The following CYP24A1 variants were observed in gnomAD, a reference collection of about 807,000 sequenced individuals.
CYP24A1 encodes the protein 1,25-dihydroxyvitamin D(3) 24-hydroxylase, mitochondrial.
In CYP24A1, 68 loss-of-function variants were observed where a neutral mutation model predicts 62.4. The observed-to-expected ratio is 1.09, with a 90% CI of 0.90 to 1.33. CYP24A1 has a LOEUF of 1.33. CYP24A1 is among the 40% of genes most tolerant of loss of function. The pLI is 0.00. For synonymous variants in CYP24A1, 267 were observed against 253.0 expected (o/e 1.06, Z -0.52); for missense variants, 787 against 653.0 (o/e 1.21, Z -2.24).
At chr20:54,171,905 C>G in intron 2 of CYP24A1, 1 of 1,059,186 alleles carries the variant, frequency 9.4e-7, no homozygotes. Flanking sequence ...AAGATTGCAC[C>G]AAAAAGTTGA....
chr20:54,160,457 CA>C (rs1444722998), intron 7 of CYP24A1, among the ~76,000 whole-genome samples: 1 of 152,206 alleles, frequency 6.6e-6, no homozygotes, highest in Non-Finnish European at 1.5e-5. Context: ...TGCTAAGTGC[CA>C]TGTGCCACTC....
intron 6 of CYP24A1, 78 bp downstream of exon 6, chr20:54,164,374 C>T: frequency 6.2e-7 from 1 of 1,611,714 alleles, no homozygotes; most frequent in South Asian, 1.1e-5. Context: ...CAGGAGATCA[C>T]TCCAGACCTC....
In CYP24A1 at chr20:54,171,684, A is replaced by C; in HGVS notation, c.450-14T>G. On this transcript the variant is annotated splice_polypyrimidine_tract_variant and intron_variant, in intron 2 of 11. Coordinates refer to ENST00000216862, the MANE Select transcript of CYP24A1 (RefSeq NM_000782.5). ...TCTTCCCCTTCCCTGTGAGAGAAGCAGGAATACATTTAGAGCACACTGAAA... is the reference window on the plus strand; with the variant it reads ...TCTTCCCCTTCCCTGTGAGAGAAGCCGGAATACATTTAGAGCACACTGAAA... 6.2e-7 allele frequency: 1 copy of C among 1,614,044 alleles called. No homozygotes were observed. The highest frequency in any genetic ancestry group is 8.5e-7 in the Non-Finnish European group (1 of 1,179,920).
chr20:54,171,747 T>G (rs1406583840), intron 2 of CYP24A1, 77 bp from the exon 3 acceptor site: 1 of 1,612,254 alleles, frequency 6.2e-7, no homozygotes, highest in African/African-American at 1.3e-5. Context: ...CAGCTGCAAC[T>G]TCAGGAACCA....
At chr20:54,158,561 T>C (rs1025522922) in intron 8 of CYP24A1, among the ~76,000 whole-genome samples, 7 of 152,224 alleles carry the variant, frequency 4.6e-5, no homozygotes, top group African/African-American at 1.7e-4. Flanking sequence ...CCCAAAAGGA[T>C]GTAAAAAGAA....
intron 9 of CYP24A1, 30 bp downstream of exon 9, chr20:54,158,056 T>A: frequency 6.2e-7 from 1 of 1,612,074 alleles, no homozygotes; most frequent in Non-Finnish European, 8.5e-7. Context: ...CAAGGTTTTG[T>A]AAGGTATAGA....
chr20:54,172,931 C>T lies in CYP24A1; in HGVS notation c.427G>A (p.Glu143Lys). ...PWKAYRDYRK[E>K]GYGLLILEGE... ...CACAGGATCAGCAGCCCGTAGCCTT[C>T]TTTGCGGTAGTCGCGATAGGCCTTC... Residue 143 changes from glutamate to lysine, a missense_variant, in exon 2 of 12, where the codon GAA becomes AAA. Glu to Lys is a moderately conservative substitution (Grantham distance 56, BLOSUM62 1). Coordinates refer to ENST00000216862, the MANE Select transcript of CYP24A1 (RefSeq NM_000782.5). 6.2e-7 allele frequency: 1 copy of T among 1,613,736 alleles called. No homozygotes were observed. Among genetic ancestry groups the T allele is most frequent in the South Asian group, 1.1e-5 (1 of 91,088 alleles).
intron 2 of CYP24A1, 56 bp from the exon 3 acceptor site, chr20:54,171,726 C>T: frequency 6.2e-7 from 1 of 1,613,688 alleles, no homozygotes; most frequent in Non-Finnish European, 8.5e-7. Flanking sequence ...GAAGGAGATG[C>T]AGAAATACTC....
At chr20:54,168,223 G>A (rs1375015086) in intron 4 of CYP24A1, among the ~76,000 whole-genome samples, 2 of 152,190 alleles carry the variant, frequency 1.3e-5, no homozygotes, top group African/African-American at 4.8e-5. Flanking sequence ...GCCAGGCGCT[G>A]TCCCACCTGA....
At chr20:54,144,713 C>A in the CYP24A1 span, among the ~76,000 whole-genome samples, 1 of 150,108 alleles carries the variant, frequency 6.7e-6, no homozygotes, top group African/African-American at 2.4e-5. Flanking sequence ...AGAAGCCCTC[C>A]TTTTAATTTT....
intron 5 of CYP24A1, 59 bp from the exon 6 acceptor site, chr20:54,164,622 C>T (rs868276827): frequency 5.0e-6 from 8 of 1,612,992 alleles, no homozygotes; most frequent in South Asian, 1.1e-5. Context: ...AGACAATGTT[C>T]GTTCTGGAAG....
intron 6 of CYP24A1, 67 bp downstream of exon 6, chr20:54,164,385 C>T (rs1020475665): frequency 1.2e-6 from 2 of 1,612,772 alleles, no homozygotes; most frequent in African/African-American, 2.7e-5. Flanking sequence ...TCCAGACCTC[C>T]TCTCTGAAGC....
At chr20:54,157,898 A>G (rs2092635245) in intron 9 of CYP24A1, among the ~76,000 whole-genome samples, 188 bp downstream of exon 9, 1 of 152,246 alleles carries the variant, frequency 6.6e-6, no homozygotes, top group African/African-American at 2.4e-5. Flanking sequence ...ATGAAACTGA[A>G]TGCAGGTCTC....
chr20:54,145,770 C>T, the CYP24A1 span, among the ~76,000 whole-genome samples: 1 of 152,082 alleles, frequency 6.6e-6, no homozygotes, highest in Non-Finnish European at 1.5e-5. Context: ...CAAGTGACAT[C>T]TCATCACCTT....
chr20:54,157,824 T>C (rs1033649400), intron 9 of CYP24A1, among the ~76,000 whole-genome samples: 1 of 152,200 alleles, frequency 6.6e-6, no homozygotes, highest in South Asian at 2.1e-4. Context: ...ATTAAACCCC[T>C]TTTACAGACG....
the CYP24A1 span, among the ~76,000 whole-genome samples, chr20:54,144,032 G>C: frequency 6.6e-6 from 1 of 152,128 alleles, no homozygotes; most frequent in East Asian, 1.9e-4. Flanking sequence ...AACCATGAAG[G>C]AACTGAAGTG....
At chr20:54,163,114 G>T (rs2092658966) in intron 6 of CYP24A1, among the ~76,000 whole-genome samples, 1 of 152,172 alleles carries the variant, frequency 6.6e-6, no homozygotes, top group Non-Finnish European at 1.5e-5. Flanking sequence ...TTCTCAAAAT[G>T]CAGAATCTGA....
chr20:54,157,969 T>A, intron 9 of CYP24A1, 117 bp downstream of exon 9: 2 of 1,520,338 alleles, frequency 1.3e-6, no homozygotes, highest in African/African-American at 1.4e-5. Context: ...TTCTCTACCA[T>A]CTCTGCATTC....
Position 54,162,220 on chromosome 20 carries a change from C to CTTTTGTTTTTTTTT in CYP24A1, c.990+496_990+497insAAAAAAAAACAAAA, listed in dbSNP as rs1568968780. On this transcript the variant is annotated intron_variant, in intron 7 of 11. Coordinates refer to ENST00000216862, the MANE Select transcript of CYP24A1 (RefSeq NM_000782.5). ...ATTATTGGCTTGAAAGAGAGTATGC[C>CTTTTGTTTTTTTTT]TTTTTTTTTTTTTTTTTTTTTTTTT... Among the ~76,000 whole-genome samples, 2 of 72,534 alleles carry CTTTTGTTTTTTTTT rather than the reference C, an allele frequency of 2.8e-5. 1 individual carries two copies. The allele number at this position is 72,534 out of a possible 152,430, so 47.6% of individuals were successfully genotyped here. A position where few individuals can be genotyped will look rare whatever the true frequency, so the allele number is the denominator to read the frequency against.
Sources: allele counts gnomAD v4.1 joint callset (sites outside exome capture counted in the v4.1 genomes callset), GRCh38; gene constraint gnomAD v4.1.1; transcripts MANE v1.5; gene names NCBI Gene and HGNC (gene_info 2026-07-23, HGNC 2026-07-21).